Variants in COMMD1 observed in about 807,000 individuals in gnomAD.
COMMD1 encodes the protein COMM domain-containing protein 1.
In COMMD1, 10 loss-of-function variants were observed where a neutral mutation model predicts 17.2. That is an observed-to-expected ratio of 0.58 (90% CI 0.36 to 0.99). COMMD1 has a LOEUF of 0.99. COMMD1 is among the 50% of genes least tolerant of loss of function. COMMD1 has a pLI of 0.01. For missense variants in COMMD1, 270 were observed against 231.8 expected (o/e 1.17, Z -1.07); for synonymous variants, 97 against 91.6 (o/e 1.06, Z -0.34).
At chr2:61,995,484 A>G (rs2103790027) in intron 1 of COMMD1, among the ~76,000 whole-genome samples, 1 of 152,366 alleles carries the variant, frequency 6.6e-6, no homozygotes, top group East Asian at 1.9e-4. Context: ...AACTTTAAGT[A>G]AAAAATTTGT....
chr2:61,926,111 C>T lies in COMMD1; in HGVS notation c.180+20253C>T, dbSNP rs180882388. On this transcript the variant is annotated intron_variant, in intron 1 of 2. Transcript: ENST00000311832. ...TCAGCCTCCCGAGTAGCTGGGACTA[C>T]AGGTCCCTACCACCACGCCTGGCTA... 5.4e-3 allele frequency among the ~76,000 whole-genome samples: 823 copies of T among 152,176 alleles called. 5 individuals are homozygous for T. Among genetic ancestry groups the T allele is most frequent in the Admixed American group, 6.9e-3 (105 of 15,268 alleles).
intron 2 of COMMD1, among the ~76,000 whole-genome samples, chr2:62,032,584 G>A (rs1377426170): frequency 6.6e-6 from 1 of 152,074 alleles, no homozygotes; most frequent in Non-Finnish European, 1.5e-5. Flanking sequence ...TTGACTCATG[G>A]AAATAAAAAA....
intron 2 of COMMD1, among the ~76,000 whole-genome samples, chr2:62,125,342 T>G (rs530953074): frequency 2.0e-5 from 3 of 152,340 alleles, no homozygotes; most frequent in Middle Eastern, 3.4e-3. Context: ...GGGTATCTAT[T>G]GAGTTTGGGG....
intron 2 of COMMD1, among the ~76,000 whole-genome samples, chr2:62,125,276 A>C (rs907717970): frequency 2.6e-5 from 4 of 152,198 alleles, no homozygotes; most frequent in Admixed American, 1.3e-4. Context: ...ATTAGAGTAA[A>C]TTCTGTTACT....
chr2:61,965,398 G>A (rs916622275), intron 1 of COMMD1, among the ~76,000 whole-genome samples: 23 of 152,120 alleles, frequency 1.5e-4, no homozygotes, highest in Non-Finnish European at 1.0e-4. Context: ...TGTCTGCTAG[G>A]CCCAGATACC....
intron 2 of COMMD1, among the ~76,000 whole-genome samples, chr2:62,052,876 C>G (rs145159248): frequency 6.6e-6 from 1 of 152,224 alleles, no homozygotes; most frequent in Non-Finnish European, 1.5e-5. Context: ...AGAGACCAGC[C>G]TGGGCAACAT....
chr2:62,077,946 C>T (rs1291189430), intron 2 of COMMD1, among the ~76,000 whole-genome samples: 1 of 151,922 alleles, frequency 6.6e-6, no homozygotes, highest in African/African-American at 2.4e-5. Context: ...TATATAAAGA[C>T]CTGGGATCAA....
At chr2:61,960,655 C>G (rs541855774) in intron 1 of COMMD1, among the ~76,000 whole-genome samples, 1 of 152,310 alleles carries the variant, frequency 6.6e-6, no homozygotes, top group South Asian at 2.1e-4. Flanking sequence ...CAGACACCTC[C>G]CTTTTTAGCT....
chr2:61,923,438 G>T (rs1035097892), intron 1 of COMMD1, among the ~76,000 whole-genome samples: 1 of 151,920 alleles, frequency 6.6e-6, no homozygotes, highest in African/African-American at 2.4e-5. Flanking sequence ...AGAATTGAAA[G>T]CAAAATAAAA....
chr2:61,926,639 C>G (rs769077703), intron 1 of COMMD1, among the ~76,000 whole-genome samples: 12 of 152,122 alleles, frequency 7.9e-5, no homozygotes, highest in Non-Finnish European at 1.5e-4. Context: ...CTTTATCTTA[C>G]GTAAAATGTC....
intron 2 of COMMD1, among the ~76,000 whole-genome samples, chr2:62,022,454 T>TC (rs1222289662): frequency 1.3e-5 from 2 of 149,328 alleles, no homozygotes; most frequent in East Asian, 3.9e-4. Flanking sequence ...GCTTCTTTTT[T>TC]TTTTTTTTTT....
intron 1 of COMMD1, among the ~76,000 whole-genome samples, chr2:61,950,526 G>A (rs936632069): frequency 1.3e-5 from 2 of 152,188 alleles, no homozygotes; most frequent in African/African-American, 4.8e-5. Flanking sequence ...AGACCCCAGT[G>A]GATGATCAAA....
chr2:62,134,616 AAT>A (rs1491292473), intron 2 of COMMD1, among the ~76,000 whole-genome samples: 13 of 151,658 alleles, frequency 8.6e-5, no homozygotes, highest in Non-Finnish European at 1.3e-4. Flanking sequence ...AAAAAAAAAA[AAT>A]TTTTTTTTTT....
At chr2:61,990,939 C>CACAT (rs1672236378) in intron 1 of COMMD1, among the ~76,000 whole-genome samples, 1 of 149,614 alleles carries the variant, frequency 6.7e-6, no homozygotes, top group Non-Finnish European at 1.5e-5. Context: ...CACACACACA[C>CACAT]ATAATGCCAG....
At chr2:62,051,369 G>A (rs745677889) in intron 2 of COMMD1, among the ~76,000 whole-genome samples, 71 of 152,220 alleles carry the variant, frequency 4.7e-4, no homozygotes, top group Non-Finnish European at 1.0e-3. Context: ...AGAAAGCATC[G>A]TGTTTAAAGA....
intron 1 of COMMD1, among the ~76,000 whole-genome samples, chr2:61,999,172 G>A (rs1225281432): frequency 6.6e-6 from 1 of 152,162 alleles, no homozygotes; most frequent in African/African-American, 2.4e-5. Context: ...AAAGTGAAGT[G>A]CAATAAAGTG....
chr2:61,958,210 C>T (rs1573001705), intron 1 of COMMD1, among the ~76,000 whole-genome samples: 2 of 151,704 alleles, frequency 1.3e-5, no homozygotes, highest in Admixed American at 6.6e-5. Flanking sequence ...CCCCAGCATG[C>T]GTTGTTCCTT....
chr2:62,044,525 GT>G (rs1208392930), intron 2 of COMMD1, among the ~76,000 whole-genome samples: 1 of 152,148 alleles, frequency 6.6e-6, no homozygotes, highest in African/African-American at 2.4e-5. Flanking sequence ...GTTGAAAATA[GT>G]TCTTTAATAT....
chr2:61,920,340 G>A (rs1670156900), intron 1 of COMMD1, among the ~76,000 whole-genome samples: 1 of 151,940 alleles, frequency 6.6e-6, no homozygotes, highest in Admixed American at 6.6e-5. Context: ...TCTTTCCCAG[G>A]AGAAGGTTCA....
Sources: allele counts gnomAD v4.1 joint callset (sites outside exome capture counted in the v4.1 genomes callset), GRCh38; gene constraint gnomAD v4.1.1; transcripts MANE v1.5; gene names NCBI Gene and HGNC (gene_info 2026-07-23, HGNC 2026-07-21).